HOOK2: variants seen among roughly 807,000 people sequenced by gnomAD.
HOOK2 encodes protein Hook homolog 2.
Under a neutral mutation model 111.9 loss-of-function variants are expected in HOOK2, and 108 were observed. That is an observed-to-expected ratio of 0.96 (90% confidence interval 0.83 to 1.13). HOOK2 has a LOEUF of 1.13. Among genes scored for constraint, HOOK2 ranks in the 50% most tolerant of loss-of-function variants. The probability of loss-of-function intolerance (pLI) is 0.00; values close to 1 mark genes in which losing one functional copy is unlikely to be tolerated. For missense variants in HOOK2, 978 were observed against 951.3 expected (o/e 1.03, Z -0.37); for synonymous variants, 405 against 394.3 (o/e 1.03, Z -0.32).
At position 12,765,162 on chromosome 19, in the gene HOOK2, C is replaced by T. The variant is rs561504428; in HGVS notation, c.1641-81G>A. 84 of 1,400,184 alleles carry T rather than the reference C, an allele frequency of 6.0e-5. 1 individual carries two copies. In the South Asian group the frequency reaches 8.5e-4, roughly 14 times the overall value. 86.7% of individuals were successfully genotyped at this position (1,400,184 alleles called of 1,614,324 possible). A position where few individuals can be genotyped will look rare whatever the true frequency, so the allele number is the denominator to read the frequency against. On this transcript the variant is annotated intron_variant, in intron 18 of 22. Coordinates refer to ENST00000397668, the MANE Select transcript of HOOK2 (RefSeq NM_013312.3). ...TCCCAGTGGTAGCCACAGACCTCCC[C>T]GCCAGCCAGAAATGCCCCTACATGG...
Position 12,765,674 on chromosome 19 carries a change from T to A in HOOK2, c.1640+16A>T. ...ATCCATGCCCCCACGAGGAGTTCCCTCTTTCTGCGACTTACAAATGTTCCT... is the reference window on the plus strand; with the variant it reads ...ATCCATGCCCCCACGAGGAGTTCCCACTTTCTGCGACTTACAAATGTTCCT... On this transcript the variant is annotated intron_variant, in intron 18 of 22. Transcript: ENST00000397668. 3 of 1,614,118 alleles carry A rather than the reference T, an allele frequency of 1.9e-6. No homozygotes were observed. Among genetic ancestry groups the A allele is most frequent in the Non-Finnish European group, 1.7e-6 (2 of 1,180,018 alleles).
chr19:12,780,349 C>G (rs1316506405), upstream of HOOK2, among the ~76,000 whole-genome samples: 1 of 151,926 alleles, frequency 6.6e-6, no homozygotes, highest in Admixed American at 6.6e-5. Context: ...ATATCTGTGT[C>G]ATTCTTTTTT....
upstream of HOOK2, chr19:12,778,246 G>A (rs1054820608): frequency 6.6e-6 from 1 of 152,238 alleles, no homozygotes; most frequent in African/African-American, 2.4e-5. Context: ...CCGGAGCAGG[G>A]TGGGCAAAGT....
upstream of HOOK2, chr19:12,775,635 T>G (rs555060854): frequency 9.0e-6 from 4 of 444,896 alleles, no homozygotes; most frequent in East Asian, 4.3e-5. Flanking sequence ...CGTAATCTCC[T>G]CCCTACGCCC....
intron 3 of HOOK2, 119 bp from the exon 4 acceptor site, chr19:12,773,163 G>T: frequency 1.0e-6 from 1 of 975,958 alleles, no homozygotes; most frequent in Non-Finnish European, 1.6e-6. Context: ...TTCTGTCTGC[G>T]TGCGCCTTCC....
Position 12,763,542 on chromosome 19 carries a change from C to T in HOOK2, c.1996G>A (p.Ala666Thr). 1.9e-6 allele frequency: 3 copies of T among 1,614,212 alleles called. No homozygotes were observed. The highest frequency in any genetic ancestry group is 1.3e-5 in the African/African-American group (1 of 75,060). ...CCCACACTTACCATATTATACCAGG[C>T]ACTGATGAGCAGCTTTTCTTCCTGC... The part of the protein sequence containing the change: ...REQEEKLLIS[A>T]WYNMGMALQQ... Residue 666 changes from alanine (A) to threonine (T), a missense_variant, in exon 22 of 23, where the codon GCC (alanine) becomes ACC (threonine). Transcript: ENST00000397668.
upstream of HOOK2, among the ~76,000 whole-genome samples, chr19:12,780,984 T>C (rs563089949): frequency 7.5e-6 from 1 of 132,740 alleles, no homozygotes; most frequent in African/African-American, 2.8e-5. Flanking sequence ...TCTCAAAAAA[T>C]AATAATAATA....
rs191905298 is a variant in HOOK2, at chr19:12,786,399, T to G, written n.42-12174A>C. ...CCGGGCTATTTATAAGAAGGAGAAGTCCCTCGTGCCAAGACCAAAAGCCCC... is the reference window on the plus strand; with the variant it reads ...CCGGGCTATTTATAAGAAGGAGAAGGCCCTCGTGCCAAGACCAAAAGCCCC... On this transcript the variant is annotated intron_variant and non_coding_transcript_variant, in intron 3 of 3. Coordinates refer to the HOOK2 transcript ENST00000589765. This position sits in a 1 kb window ranked among gnomAD's most constrained non-coding sequence, Gnocchi z 4.3. 2.1e-3 allele frequency among the ~76,000 whole-genome samples: 321 copies of G among 151,568 alleles called. 2 individuals are homozygous for G. The highest frequency in any genetic ancestry group is 7.4e-3 in the African/African-American group (306 of 41,330).
At position 12,770,091 on chromosome 19, in the gene HOOK2, G is replaced by A. The variant is rs764362404; in HGVS notation, c.903-9C>T. The A allele has an allele frequency of 6.7e-7, 1 of 1,483,184 alleles. No individual in the cohort carries two copies. Among genetic ancestry groups the A allele is most frequent in the Non-Finnish European group, 9.0e-7 (1 of 1,117,128 alleles). 91.9% of individuals were successfully genotyped at this position (1,483,184 alleles called of 1,614,324 possible). A position where few individuals can be genotyped will look rare whatever the true frequency, so the allele number is the denominator to read the frequency against. On this transcript the variant is annotated splice_polypyrimidine_tract_variant and intron_variant, in intron 10 of 22. Transcript: ENST00000397668. ...CACGCTCCGAAGACTGCCTAGGGGA[G>A]TGGGAGGGAAGGGGGAGGGCTGAGA...
In HOOK2 at chr19:12,791,614, G is replaced by T. The variant is rs552455256; in HGVS notation, n.42-17389C>A. ...TCGGGAAGCCTGACAGGGCTTTTGC[G>T]CACAGCTGCCGGCTGGCTGCTACCC... On this transcript the variant is annotated intron_variant and non_coding_transcript_variant, in intron 3 of 3. Transcript: ENST00000589765. This position sits in a 1 kb window ranked among gnomAD's most constrained non-coding sequence, Gnocchi z 7.0. 1 of 543,518 alleles carries T rather than the reference G, an allele frequency of 1.8e-6. No individual in the cohort carries two copies. Among genetic ancestry groups the T allele is most frequent in the Non-Finnish European group, 3.2e-6 (1 of 317,264 alleles). The allele number at this position is 543,518 out of a possible 1,614,324, so 33.7% of individuals were successfully genotyped here.
intron 20 of HOOK2, 27 bp from the exon 21 acceptor site, chr19:12,763,805 G>T (rs1303255538): frequency 6.3e-7 from 1 of 1,583,426 alleles, no homozygotes; most frequent in Non-Finnish European, 8.7e-7. Context: ...TCATAGCCAG[G>T]TGACTTTGGC....
rs1950553773 is a variant in HOOK2 at position 12,763,660 on chromosome 19, A to G, written c.1938+8T>C. 1 of 1,613,972 alleles carries G rather than the reference A, an allele frequency of 6.2e-7. No homozygotes were observed. On this transcript the variant is annotated splice_region_variant and intron_variant, in intron 21 of 22. Coordinates refer to ENST00000397668, the MANE Select transcript of HOOK2 (RefSeq NM_013312.3). ...TTGGAGGCAGCGTAAAGGGACGAGG[A>G]CACCCACCTCCAGGTGTCGGATGCG...
rs1001578163 is a variant in HOOK2, at chr19:12,774,208, T to C, written c.204+461A>G. 3.1e-5 allele frequency: 6 copies of C among 196,628 alleles called. No homozygotes were observed. In the East Asian group the frequency reaches 3.7e-4, roughly 12 times the overall value. The allele number at this position is 196,628 out of a possible 1,614,324, so 12.2% of individuals were successfully genotyped here. ...GCATCCTCCACCTCCCAGGTTCAAG[T>C]GATTCTCATGTCTCAGCCTCCCAAG... On this transcript the variant is annotated intron_variant, in intron 3 of 22. Coordinates refer to ENST00000397668, the MANE Select transcript of HOOK2 (RefSeq NM_013312.3).
chr19:12,772,658 C>G lies in HOOK2; in HGVS notation c.411G>C (p.Thr137=), dbSNP rs761946117. 6 of 1,614,222 alleles carry G rather than the reference C, an allele frequency of 3.7e-6. No homozygotes were observed. In the South Asian group the frequency reaches 6.6e-5, roughly 18 times the overall value. Residue 137 remains threonine, a synonymous_variant, in exon 6 of 23, where the codon ACG becomes ACC. Transcript: ENST00000397668. ...KKQDHIQRIM[T]LEESVQHVVM... is the part of the protein sequence containing the mutation. ...CCACATGCTGAACCGATTCTTCCAG[C>G]GTCATGATTCTCTGGATGTGGTCTG...
In HOOK2 at chr19:12,765,375, T is replaced by G. The variant is rs1287461718; in HGVS notation, c.1641-294A>C. On this transcript the variant is annotated intron_variant, in intron 18 of 22. Transcript: ENST00000397668. The stretch of plus-strand genomic sequence containing the variant: ...CAGCCACCATCTTCCCTTGCTAGCT[T>G]CTTCTACTCTCAAGCACTCCATCCA... 4 of 584,338 alleles carry G rather than the reference T, an allele frequency of 6.8e-6. No individual in the cohort carries two copies. The East Asian group carries it at 1.2e-4, about 17-fold the overall frequency. 36.2% of individuals were successfully genotyped at this position (584,338 alleles called of 1,614,324 possible).
Position 12,766,162 on chromosome 19 carries a change from C to G in HOOK2, c.1452G>C (p.Glu484Asp). ...QEAADRERQE[E>D]LQRHLEDANR... ...TGGCATCCTCCAGGTGGCGCTGCAG[C>G]TCCTCCTGCCGCTCCCGGTCGGCCG... The change falls in exon 15 of 23, where the codon GAG (glutamate) becomes GAC (aspartate). Residue 484 changes from glutamate (E) to aspartate (D), a missense_variant. By Grantham distance (45) the Glu-to-Asp change is conservative (BLOSUM62 2). Transcript: ENST00000397668. 1 of 1,596,606 alleles carries G rather than the reference C, an allele frequency of 6.3e-7. No individual in the cohort carries two copies. Among genetic ancestry groups the G allele is most frequent in the Non-Finnish European group, 8.5e-7 (1 of 1,178,100 alleles).
rs539047042 is a variant in HOOK2, at chr19:12,769,392, G to C, written c.1104+489C>G. Among the ~76,000 whole-genome samples, 31 of 152,278 alleles carry C rather than the reference G, an allele frequency of 2.0e-4. No homozygotes were observed. In the South Asian group the frequency reaches 6.2e-3, roughly 31 times the overall value. ...GGTGCCCGCCTTGGCCTCCCAAAGT[G>C]CTGGGATTACAGGCGCGAGCCACCG... On this transcript the variant is annotated intron_variant, in intron 11 of 22. Transcript: ENST00000397668.
At position 12,766,121 on chromosome 19, in the gene HOOK2, C is replaced by A. The variant is rs532537105; in HGVS notation, c.1493G>T (p.Gly498Val). 25 of 1,602,108 alleles carry A rather than the reference C, an allele frequency of 1.6e-5. No homozygotes were observed. Among genetic ancestry groups the A allele is most frequent in the Non-Finnish European group, 2.0e-5 (24 of 1,178,946 alleles). The change falls in exon 15 of 23, where the codon GGG becomes GTG. Residue 498 changes from glycine (G) to valine (V), a missense_variant. Coordinates refer to ENST00000397668, the MANE Select transcript of HOOK2 (RefSeq NM_013312.3). ...HLEDANRARHGLETQHRLNQQ... is the reference protein window; with the variant it reads ...HLEDANRARHVLETQHRLNQQ... ...CGCTCACCGGTGCTGCGTCTCCAACCCGTGGCGCGCGCGGTTGGCATCCTC... is the reference window on the plus strand; with the variant it reads ...CGCTCACCGGTGCTGCGTCTCCAACACGTGGCGCGCGCGGTTGGCATCCTC...
intron 3 of HOOK2, chr19:12,784,560 G>GC (rs1968638523): frequency 6.6e-6 from 1 of 152,502 alleles, no homozygotes. Context: ...GAGGCACACA[G>GC]CAAGGCAGAC....
Sources: gnomAD v4.1 joint callset for allele counts (sites outside exome capture counted in the v4.1 genomes callset) on GRCh38, gnomAD v4.1.1 for gene constraint, Gnocchi (gnomAD v3.1) non-coding constraint, MANE v1.5 for transcripts, NCBI Gene and HGNC (gene_info 2026-07-23, HGNC 2026-07-21) for gene names.